The following MYCBP2 variants were observed in gnomAD, a reference collection of about 807,000 sequenced individuals.
MYCBP2 encodes E3 ubiquitin-protein ligase MYCBP2.
MYCBP2 carries 120 observed loss-of-function variants against 525.3 expected under a neutral mutation model. The ratio of observed to expected loss-of-function variants is 0.23; its 90% CI spans 0.20 to 0.27. The LOEUF (loss-of-function observed/expected upper bound fraction) is 0.27, where lower values mean the gene tolerates loss of function less well. MYCBP2 is among the 10% of genes least tolerant of loss of function. MYCBP2 has a pLI of 1.00. For missense variants in MYCBP2, 4,149 were observed against 5,657.1 expected, an observed-to-expected ratio of 0.73 and a Z score of 8.55; for synonymous variants, 1,894 against 1,955.8, an observed-to-expected ratio of 0.97 and a Z score of 0.83.
In MYCBP2 at chr13:77,233,219, G is replaced by C; in HGVS notation, c.2674C>G (p.Gln892Glu). Residue 892 changes from glutamine to glutamate, a missense_variant, in exon 18 of 83, where the codon CAG becomes GAG. Physicochemically the swap from Gln to Glu is conservative, Grantham distance 29. This residue lies in a region of MYCBP2 where 620 missense variants were observed against 795.5 expected (regional missense o/e 0.78). Coordinates refer to ENST00000544440, the MANE Select transcript of MYCBP2 (RefSeq NM_015057.5). ...AGPIFMNHREQALARLRSHPA... is the reference protein window; with the variant it reads ...AGPIFMNHREEALARLRSHPA... Reference sequence around the variant, plus strand: ...TGGGATCTGAGTCTGGCTAGAGCCTGTTCTCGATGGTTCATAAAAATAGGA... The same window carrying C: ...TGGGATCTGAGTCTGGCTAGAGCCTCTTCTCGATGGTTCATAAAAATAGGA... The C allele has an allele frequency of 6.2e-7, 1 of 1,613,884 alleles. No individual in the cohort carries two copies. Among genetic ancestry groups the C allele is most frequent in the Non-Finnish European group, 8.5e-7 (1 of 1,179,828 alleles).
rs1462869693 is a variant in MYCBP2 at position 77,239,472 on chromosome 13, A to G, written c.2629+3587T>C. On this transcript the variant is annotated intron_variant, in intron 17 of 82. Coordinates refer to ENST00000544440, the MANE Select transcript of MYCBP2 (RefSeq NM_015057.5). ...AGAGCCTTAGAACACTGTGCAAGTG[A>G]CTCAGATCTATTTCCAAGACCCTTG... 1.1e-4 allele frequency among the ~76,000 whole-genome samples: 17 copies of G among 152,292 alleles called. No homozygotes were observed. In the South Asian group the frequency reaches 3.3e-3, roughly 30 times the overall value.
intron 76 of MYCBP2, among the ~76,000 whole-genome samples, chr13:77,060,615 A>C (rs1176588324): frequency 6.6e-6 from 1 of 152,218 alleles, no homozygotes; most frequent in Non-Finnish European, 1.5e-5. Flanking sequence ...TAGAGATAAA[A>C]ATACATTTAA....
chr13:77,046,461 G>A (rs555986487), intron 82 of MYCBP2, among the ~76,000 whole-genome samples: 7 of 152,260 alleles, frequency 4.6e-5, no homozygotes, highest in African/African-American at 1.7e-4. Context: ...GAGGAATGAC[G>A]TCTCATTTAC....
chr13:77,152,579 C>A (rs1440498929), intron 46 of MYCBP2, among the ~76,000 whole-genome samples: 1 of 152,160 alleles, frequency 6.6e-6, no homozygotes, highest in Non-Finnish European at 1.5e-5. Context: ...CAGACTTCAG[C>A]TAGCAAAGAG....
intron 15 of MYCBP2, among the ~76,000 whole-genome samples, chr13:77,248,986 T>C (rs1383248530): frequency 6.6e-6 from 1 of 152,198 alleles, no homozygotes; most frequent in Non-Finnish European, 1.5e-5. Context: ...CTGAGGATAT[T>C]ATGCTAAGTG....
chr13:77,303,328 G>A (rs763021706), intron 1 of MYCBP2, among the ~76,000 whole-genome samples: 6 of 152,172 alleles, frequency 3.9e-5, no homozygotes, highest in Non-Finnish European at 5.9e-5. Flanking sequence ...GCGAGACTCC[G>A]TCTCAAAACA....
intron 26 of MYCBP2, among the ~76,000 whole-genome samples, chr13:77,200,252 C>A (rs1270009743): frequency 6.6e-6 from 1 of 152,020 alleles, no homozygotes; most frequent in Admixed American, 6.5e-5. Flanking sequence ...AATGCAGAAG[C>A]CTCAGGAGCC....
intron 3 of MYCBP2, 77 bp from the exon 4 acceptor site, chr13:77,278,988 A>C: frequency 1.0e-6 from 1 of 988,798 alleles, no homozygotes; most frequent in African/African-American, 1.7e-5. Context: ...AGTTGGTACA[A>C]GTTACTTCCA....
intron 1 of MYCBP2, among the ~76,000 whole-genome samples, chr13:77,307,096 A>C (rs1375936511): frequency 6.6e-6 from 1 of 152,170 alleles, no homozygotes; most frequent in East Asian, 1.9e-4. Flanking sequence ...TCAGAAAAAG[A>C]ATCTGGAATT....
chr13:77,071,277 A>G (rs1331078584), intron 68 of MYCBP2, among the ~76,000 whole-genome samples: 20 of 147,070 alleles, frequency 1.4e-4, no homozygotes, highest in African/African-American at 4.7e-4. Flanking sequence ...ACACGCACAC[A>G]CACACACACA....
intron 46 of MYCBP2, 39 bp downstream of exon 46, chr13:77,156,019 G>GT: frequency 2.5e-6 from 4 of 1,586,384 alleles, no homozygotes; most frequent in Non-Finnish European, 3.4e-6. Context: ...ATTGCAGCCA[G>GT]TATATAGATG....
chr13:77,100,238 T>C (rs2046863672), intron 55 of MYCBP2: 1 of 152,098 alleles, frequency 6.6e-6, no homozygotes, highest in Non-Finnish European at 1.5e-5. Context: ...AGGAAAATGT[T>C]TTTTATGCTT....
intron 60 of MYCBP2, among the ~76,000 whole-genome samples, chr13:77,089,667 T>A: frequency 6.6e-6 from 1 of 151,202 alleles, no homozygotes; most frequent in Non-Finnish European, 1.5e-5. Context: ...TTTTTTTAAA[T>A]CGATTAAGGG....
chr13:77,301,423 A>G (rs2078793390), intron 1 of MYCBP2, among the ~76,000 whole-genome samples: 1 of 61,778 alleles, frequency 1.6e-5, no homozygotes, highest in Admixed American at 1.5e-4. Context: ...ACTCCATCTC[A>G]AAAAAAAAAA....
intron 52 of MYCBP2, 43 bp downstream of exon 52, chr13:77,139,153 C>T: frequency 1.3e-6 from 2 of 1,575,772 alleles, no homozygotes; most frequent in Non-Finnish European, 1.7e-6. Context: ...GTAAAACAAA[C>T]AGCGTGTATC....
At chr13:77,127,838 C>A (rs2051961222) in intron 52 of MYCBP2, among the ~76,000 whole-genome samples, 1 of 151,756 alleles carries the variant, frequency 6.6e-6, no homozygotes, top group Non-Finnish European at 1.5e-5. Flanking sequence ...CATGACTGGT[C>A]AGGGAAAATG....
At position 77,136,208 on chromosome 13, in the gene MYCBP2, T is replaced by C. The variant is rs145190849; in HGVS notation, c.7659+2988A>G. Among the ~76,000 whole-genome samples, 471 of 152,356 alleles carry C rather than the reference T, an allele frequency of 3.1e-3. 2 individuals carry two copies. Among genetic ancestry groups the C allele is most frequent in the African/African-American group, 0.01 (428 of 41,590 alleles). ...TCCACCTGCCTAACTTCTTAGTTCCTAGACTTAGGCACTTGTAGTGACTTC... is the reference window on the plus strand; with the variant it reads ...TCCACCTGCCTAACTTCTTAGTTCCCAGACTTAGGCACTTGTAGTGACTTC... On this transcript the variant is annotated intron_variant, in intron 52 of 82. Coordinates refer to ENST00000544440, the MANE Select transcript of MYCBP2 (RefSeq NM_015057.5).
At chr13:77,280,130 C>T (rs970386988) in intron 3 of MYCBP2, among the ~76,000 whole-genome samples, 2 of 152,180 alleles carry the variant, frequency 1.3e-5, no homozygotes, top group Non-Finnish European at 2.9e-5. Flanking sequence ...AGAAGCAAGT[C>T]GGCTGAAGGT....
At chr13:77,294,127 T>TATATATATACAC (rs1350132831) in intron 2 of MYCBP2, among the ~76,000 whole-genome samples, 1 of 60,858 alleles carries the variant, frequency 1.6e-5, no homozygotes, top group South Asian at 5.0e-4. Flanking sequence ...TATATATATA[T>TATATATATACAC]ATACATATAT....
Sources: allele counts gnomAD v4.1 joint callset (sites outside exome capture counted in the v4.1 genomes callset), GRCh38; gene constraint gnomAD v4.1.1; regional missense constraint gnomAD v4.1.1; transcripts MANE v1.5; gene names NCBI Gene and HGNC (gene_info 2026-07-23, HGNC 2026-07-21).